PAMR1: variants seen among roughly 807,000 people sequenced by gnomAD.
PAMR1 encodes the protein peptidase domain containing associated with muscle regeneration 1.
PAMR1 carries 88 observed loss-of-function variants against 81.8 expected under a neutral mutation model. The observed-to-expected ratio is 1.08, with a 90% confidence interval of 0.91 to 1.28. The LOEUF (loss-of-function observed/expected upper bound fraction) is 1.28, where lower values mean the gene tolerates loss of function less well. Ranked by LOEUF, PAMR1 falls within the 50% of genes most tolerant of loss-of-function variation. The pLI is 0.00. For missense variants in PAMR1, 935 were observed against 919.7 expected (o/e 1.02, Z -0.21); for synonymous variants, 336 against 345.3 (o/e 0.97, Z 0.30).
At chr11:35,432,932 G>T in intron 10 of PAMR1, 40 bp from the exon 11 acceptor site, 2 of 1,509,530 alleles carry the variant, frequency 1.3e-6, no homozygotes, top group Non-Finnish European at 1.8e-6. Context: ...TGAGGAGCCA[G>T]CTCCACAGTG....
rs138774899 is a variant in PAMR1, at chr11:35,494,270, A to G, written c.76T>C (p.Tyr26His). The change falls in exon 2 of 11, where the codon TAC becomes CAC. Residue 26 changes from tyrosine to histidine, a missense_variant and splice_region_variant. Coordinates refer to ENST00000619888, the MANE Select transcript of PAMR1 (RefSeq NM_001001991.3). ...GGGCAGGCTTCATTAATGACTGTGT[A>G]CTCTGAAATGGAAAACCAGCAGGTG... ...LLLISSLPRE[Y>H]TVINEACPGA... 73 of 1,613,450 alleles carry G rather than the reference A, an allele frequency of 4.5e-5. No homozygotes were observed. Among genetic ancestry groups the G allele is most frequent in the Non-Finnish European group, 5.8e-5 (68 of 1,179,758 alleles).
At chr11:35,473,894 G>A (rs760079681) in intron 4 of PAMR1, among the ~76,000 whole-genome samples, 5 of 152,282 alleles carry the variant, frequency 3.3e-5, no homozygotes, top group African/African-American at 9.6e-5. Context: ...TGAGGAAAGC[G>A]GGAGGTGTTT....
chr11:35,524,205 G>A (rs530631721), intron 1 of PAMR1, among the ~76,000 whole-genome samples: 47 of 152,202 alleles, frequency 3.1e-4, no homozygotes, highest in South Asian at 1.0e-3. Flanking sequence ...CTTATGAAGG[G>A]CTCCTTCTTC....
In PAMR1 at chr11:35,434,530, C is replaced by T; in HGVS notation, c.1608G>A (p.Lys536=). 1 of 1,613,904 alleles carries T rather than the reference C, an allele frequency of 6.2e-7. No individual in the cohort carries two copies. The highest frequency in any genetic ancestry group is 8.5e-7 in the Non-Finnish European group (1 of 1,179,908). ...KFYRDDDRDE[K]TIQSLQISAI... is the part of the protein sequence containing the mutation. ...CTCTTACCTGTAGGCTCTGGATGGT[C>T]TTCTCATCCCGGTCATCATCCCGGT... Residue 536 remains lysine, a synonymous_variant, in exon 10 of 11, where the codon AAG becomes AAA. Transcript: ENST00000619888.
At chr11:35,460,786 C>T (rs530881982) in intron 6 of PAMR1, among the ~76,000 whole-genome samples, 17 of 152,200 alleles carry the variant, frequency 1.1e-4, no homozygotes, top group Admixed American at 4.6e-4. Context: ...AATAAACATA[C>T]GTGTGTGTGC....
intron 6 of PAMR1, among the ~76,000 whole-genome samples, chr11:35,456,920 C>CT (rs1198422089): frequency 1.3e-5 from 2 of 152,088 alleles, no homozygotes; most frequent in Non-Finnish European, 2.9e-5. Context: ...TTAGATCTAA[C>CT]TTTTTTTTAA....
At chr11:35,486,403 T>C (rs1364276823) in intron 3 of PAMR1, among the ~76,000 whole-genome samples, 1 of 152,284 alleles carries the variant, frequency 6.6e-6, no homozygotes, top group Non-Finnish European at 1.5e-5. Flanking sequence ...GCGCAAGCTC[T>C]AAGATGTCAG....
chr11:35,507,797 C>CTTT (rs71044525), intron 1 of PAMR1, among the ~76,000 whole-genome samples: 2 of 141,926 alleles, frequency 1.4e-5, no homozygotes, highest in Non-Finnish European at 1.5e-5. Context: ...CTATTGAAAT[C>CTTT]TTTTTTTTTT....
intron 10 of PAMR1, among the ~76,000 whole-genome samples, chr11:35,433,825 T>TGGATGGATGGAC (rs1565322320): frequency 1.3e-5 from 2 of 149,578 alleles, no homozygotes; most frequent in African/African-American, 5.0e-5. Context: ...GATGGAGGGA[T>TGGATGGATGGAC]GGATGGATGG....
intron 5 of PAMR1, among the ~76,000 whole-genome samples, chr11:35,470,370 G>A (rs183229352): frequency 2.6e-5 from 4 of 152,312 alleles, no homozygotes; most frequent in Non-Finnish European, 5.9e-5. Context: ...CAGCCTCTCC[G>A]TGCTTTAGCC....
At chr11:35,487,463 C>T (rs992816901) in intron 3 of PAMR1, among the ~76,000 whole-genome samples, 4 of 152,182 alleles carry the variant, frequency 2.6e-5, no homozygotes, top group African/African-American at 9.7e-5. Context: ...ATCAACAAAA[C>T]AACTGGTTTT....
At chr11:35,441,053 C>T (rs1052037154) in intron 7 of PAMR1, among the ~76,000 whole-genome samples, 1 of 152,172 alleles carries the variant, frequency 6.6e-6, no homozygotes, top group African/African-American at 2.4e-5. Context: ...ATCTTCAATC[C>T]TCCCCCTCCA....
intron 3 of PAMR1, among the ~76,000 whole-genome samples, chr11:35,484,205 T>G (rs1306899217): frequency 6.6e-6 from 1 of 152,184 alleles, no homozygotes; most frequent in Admixed American, 6.5e-5. Context: ...ACAAAAACTC[T>G]CAAGGCCACT....
At chr11:35,481,003 C>G (rs576102406) in intron 3 of PAMR1, among the ~76,000 whole-genome samples, 8 of 152,156 alleles carry the variant, frequency 5.3e-5, no homozygotes, top group Non-Finnish European at 5.9e-5. Flanking sequence ...TGGCTTCCAG[C>G]TTCATCCAGG....
At chr11:35,529,111 C>A (rs946670679), upstream of PAMR1, 1 of 152,162 alleles carries the variant, frequency 6.6e-6, no homozygotes, top group African/African-American at 2.4e-5. Flanking sequence ...TGGTCAACTG[C>A]ATTTTTCATA....
intron 5 of PAMR1, among the ~76,000 whole-genome samples, chr11:35,469,071 C>T (rs1856805963): frequency 6.6e-6 from 1 of 152,052 alleles, no homozygotes; most frequent in East Asian, 1.9e-4. Context: ...AGAGGCAATG[C>T]TACAAGACAT....
At chr11:35,433,323 C>T (rs1855952322) in intron 10 of PAMR1, among the ~76,000 whole-genome samples, 1 of 152,172 alleles carries the variant, frequency 6.6e-6, no homozygotes, top group Admixed American at 6.5e-5. Context: ...AGGCACAAAC[C>T]CTCACAGGCT....
chr11:35,514,740 G>A (rs1851132219), intron 1 of PAMR1, among the ~76,000 whole-genome samples: 1 of 152,180 alleles, frequency 6.6e-6, no homozygotes, highest in Admixed American at 6.5e-5. Flanking sequence ...TAATCCTAGA[G>A]CTTTGGGAGG....
intron 1 of PAMR1, among the ~76,000 whole-genome samples, chr11:35,522,120 C>G (rs1185648590): frequency 6.6e-6 from 1 of 152,166 alleles, no homozygotes; most frequent in Non-Finnish European, 1.5e-5. Flanking sequence ...GACAGGGTTT[C>G]ACTGTGTTAG....
Sources: gnomAD v4.1 joint callset for allele counts (sites outside exome capture counted in the v4.1 genomes callset) on GRCh38, gnomAD v4.1.1 for gene constraint, MANE v1.5 for transcripts, NCBI Gene and HGNC (gene_info 2026-07-23, HGNC 2026-07-21) for gene names.